Variants in NCAPD3 observed in about 807,000 individuals in gnomAD.
The protein encoded by NCAPD3 is condensin-2 complex subunit D3.
A neutral mutation model predicts 182.9 loss-of-function variants in NCAPD3; 105 were observed. The observed-to-expected ratio is 0.57, with a 90% CI of 0.49 to 0.68. The LOEUF is 0.68. Among genes scored for constraint, NCAPD3 ranks in the 30% least tolerant of loss-of-function variants. The pLI, the probability that NCAPD3 is intolerant of heterozygous loss-of-function variation, is 0.00. For synonymous variants in NCAPD3, 815 were observed against 679.9 expected, an observed-to-expected ratio of 1.20 and a Z score of -3.09; for missense variants, 1,944 against 1,837.0, an observed-to-expected ratio of 1.06 and a Z score of -1.07.
chr11:134,188,313 C>A (rs534088213), intron 16 of NCAPD3, among the ~76,000 whole-genome samples: 1 of 151,988 alleles, frequency 6.6e-6, no homozygotes, highest in Non-Finnish European at 1.5e-5. Flanking sequence ...TGTCTAGCTA[C>A]AGGATTGTAA....
At chr11:134,167,564 ACT>A (rs1170571907) in intron 27 of NCAPD3, among the ~76,000 whole-genome samples, 5 of 119,672 alleles carry the variant, frequency 4.2e-5, no homozygotes, top group Admixed American at 1.9e-4. Context: ...GGAGCTGCAC[ACT>A]CACTAGTGAG....
At chr11:134,187,821 C>T (rs1302947541) in intron 16 of NCAPD3, among the ~76,000 whole-genome samples, 2 of 152,222 alleles carry the variant, frequency 1.3e-5, no homozygotes, top group Non-Finnish European at 2.9e-5. Context: ...GTGCACTGAA[C>T]TATTCTGTGA....
upstream of NCAPD3, chr11:134,224,971 C>G: frequency 1.9e-6 from 1 of 525,980 alleles, no homozygotes; most frequent in Non-Finnish European, 2.8e-6. Context: ...TCCGTCGGCG[C>G]CCACTGCCCG....
At chr11:134,181,606 C>T (rs1565537581) in intron 19 of NCAPD3, among the ~76,000 whole-genome samples, 1 of 152,106 alleles carries the variant, frequency 6.6e-6, no homozygotes, top group Non-Finnish European at 1.5e-5. Context: ...AATAGAGTTG[C>T]TACTCTTCTG....
Position 134,158,460 on chromosome 11 carries a change from A to G in NCAPD3, c.3903T>C (p.Ala1301=). 1 of 1,614,150 alleles carries G rather than the reference A, an allele frequency of 6.2e-7. No homozygotes were observed. The highest frequency in any genetic ancestry group is 8.5e-7 in the Non-Finnish European group (1 of 1,180,048). Residue 1301 remains alanine (A), a synonymous_variant, in exon 30 of 35, where the codon GCT becomes GCC. Coordinates refer to ENST00000534548, the MANE Select transcript of NCAPD3 (RefSeq NM_015261.3). ...ALCLETVPVP[A]GQENPAMSPA... ...GTGACATGGCAGGGTTTTCTTGGCC[A>G]GCAGGAACTGGCACTGTTTCTAAAC...
At chr11:134,183,307 G>A (rs892516394) in intron 19 of NCAPD3, among the ~76,000 whole-genome samples, 15 of 152,118 alleles carry the variant, frequency 9.9e-5, no homozygotes, top group African/African-American at 2.9e-4. Flanking sequence ...GTCTTACCAC[G>A]CCTGTAATCC....
chr11:134,224,173 A>G (rs910370566), upstream of NCAPD3: 9 of 591,720 alleles, frequency 1.5e-5, no homozygotes, highest in African/African-American at 9.4e-5. Flanking sequence ...TTCGTTCGAG[A>G]AGGAGCCAGG....
chr11:134,167,087 T>C (rs545237475), intron 27 of NCAPD3, among the ~76,000 whole-genome samples: 1 of 92,008 alleles, frequency 1.1e-5, no homozygotes, highest in Non-Finnish European at 2.0e-5. Context: ...GCACACTCAC[T>C]AGTGAGATGA....
intron 32 of NCAPD3, among the ~76,000 whole-genome samples, chr11:134,156,041 A>G (rs1405594507): frequency 1.3e-5 from 2 of 152,232 alleles, no homozygotes; most frequent in Non-Finnish European, 2.9e-5. Context: ...GAACGGCAGG[A>G]CACCTTGCTG....
intron 16 of NCAPD3, among the ~76,000 whole-genome samples, chr11:134,186,412 T>C (rs59747882): frequency 6.6e-6 from 1 of 152,208 alleles, no homozygotes; most frequent in African/African-American, 2.4e-5. Context: ...AGGGTCTCAC[T>C]ATGTTGTCTA....
chr11:134,198,014 C>G (rs1291541037), intron 13 of NCAPD3, among the ~76,000 whole-genome samples: 3 of 152,164 alleles, frequency 2.0e-5, no homozygotes, highest in African/African-American at 7.2e-5. Context: ...AACATCATTC[C>G]ACAGACTGTA....
intron 14 of NCAPD3, 61 bp downstream of exon 14, chr11:134,194,604 T>C (rs1157557122): frequency 4.1e-6 from 5 of 1,217,780 alleles, no homozygotes; most frequent in Non-Finnish European, 5.9e-6. Context: ...TTAAAAAATA[T>C]TCCTTTGCAT....
At chr11:134,153,452 TCCA>T in intron 32 of NCAPD3, 89 bp from the exon 33 acceptor site, 1 of 1,340,896 alleles carries the variant, frequency 7.5e-7, no homozygotes, top group Admixed American at 1.7e-5. Context: ...AGGCAGGGTG[TCCA>T]CATCAGTGTC....
intron 27 of NCAPD3, among the ~76,000 whole-genome samples, chr11:134,165,005 A>C (rs1177046152): frequency 1.3e-5 from 2 of 149,540 alleles, no homozygotes; most frequent in African/African-American, 5.0e-5. Context: ...AACTTAGGGA[A>C]GCTGCACACC....
intron 33 of NCAPD3, 30 bp from the exon 34 acceptor site, chr11:134,153,230 C>G (rs1230510170): frequency 6.2e-7 from 1 of 1,613,878 alleles, no homozygotes; most frequent in Non-Finnish European, 8.5e-7. Context: ...ACACATTCAG[C>G]TTTCCCAGAA....
In NCAPD3 at chr11:134,210,409, C is replaced by A. The variant is rs780224024; in HGVS notation, c.428G>T (p.Cys143Phe). 1 of 1,614,150 alleles carries A rather than the reference C, an allele frequency of 6.2e-7. No individual in the cohort carries two copies. Among genetic ancestry groups the A allele is most frequent in the Non-Finnish European group, 8.5e-7 (1 of 1,180,004 alleles). ...CCAGCTCTTCTTTAGAGTCTGAATG[C>A]ATTTGTCAAACATCACTGGGTGGAA... Reference protein sequence around the residue: ...QVFHPVMFDKCIQTLKKSWPQ... With the variant: ...QVFHPVMFDKFIQTLKKSWPQ... Residue 143 changes from cysteine to phenylalanine, a missense_variant, in exon 4 of 35, where the codon TGC becomes TTC. Physicochemically the swap from Cys to Phe is radical, Grantham distance 205. Around this residue, in one of 3 missense-constraint regions of NCAPD3, gnomAD observed 1,803 missense variants for 1,674.6 expected, o/e 1.08. Transcript: ENST00000534548.
At chr11:134,165,606 G>C (rs1368084620) in intron 27 of NCAPD3, among the ~76,000 whole-genome samples, 1 of 149,950 alleles carries the variant, frequency 6.7e-6, no homozygotes, top group Non-Finnish European at 1.5e-5. Context: ...ATGAGCTTGG[G>C]GGAGGCGCAC....
At position 134,177,351 on chromosome 11, in the gene NCAPD3, A is replaced by G; in HGVS notation, c.2889T>C (p.Ile963=). 6.2e-7 allele frequency: 1 copy of G among 1,614,226 alleles called. No homozygotes were observed. Among genetic ancestry groups the G allele is most frequent in the East Asian group, 2.2e-5 (1 of 44,882 alleles). The change falls in exon 23 of 35, where the codon ATT becomes ATC. Residue 963 remains isoleucine, a synonymous_variant. Transcript: ENST00000534548. ...EDVAVRNNVI[I]VMCDLCIRYT... ...AGCGAATGCAGAGATCGCACATTAC[A>G]ATGATGACGTTGTTGCGGACAGCCA... is the stretch of plus-strand genomic sequence containing the variant.
At chr11:134,218,045 C>T (rs1938090432) in intron 2 of NCAPD3, among the ~76,000 whole-genome samples, 1 of 137,886 alleles carries the variant, frequency 7.3e-6, no homozygotes, top group Admixed American at 8.1e-5. Flanking sequence ...CTGCAGTAAG[C>T]TTTGACTGTG....
Sources: gnomAD v4.1 joint callset for allele counts (sites outside exome capture counted in the v4.1 genomes callset) on GRCh38, gnomAD v4.1.1 for gene constraint, gnomAD v4.1.1 regional missense constraint, MANE v1.5 for transcripts, NCBI Gene and HGNC (gene_info 2026-07-23, HGNC 2026-07-21) for gene names.